FAM120A: variants seen among roughly 807,000 people sequenced by gnomAD.
FAM120A encodes constitutive coactivator of PPAR-gamma-like protein 1.
A neutral mutation model predicts 109.7 loss-of-function variants in FAM120A; 15 were observed. The observed-to-expected ratio is 0.14, with a 90% confidence interval of 0.09 to 0.21. The LOEUF (loss-of-function observed/expected upper bound fraction) is 0.21, where lower values mean the gene tolerates loss of function less well. FAM120A is among the 10% of genes least tolerant of loss of function. The probability of loss-of-function intolerance (pLI) is 1.00; values close to 1 mark genes in which losing one functional copy is unlikely to be tolerated. For synonymous variants in FAM120A, 493 were observed against 572.8 expected (o/e 0.86, Z 1.99); for missense variants, 899 against 1,439.3 (o/e 0.62, Z 6.07).
At chr9:93,474,527 A>G (rs565363135) in intron 2 of FAM120A, among the ~76,000 whole-genome samples, 1 of 152,308 alleles carries the variant, frequency 6.6e-6, no homozygotes, top group Non-Finnish European at 1.5e-5. Flanking sequence ...GACTGTTACT[A>G]ATGTTGGAGT....
At chr9:93,506,570 T>C (rs1860066069) in intron 5 of FAM120A, among the ~76,000 whole-genome samples, 1 of 151,740 alleles carries the variant, frequency 6.6e-6, no homozygotes, top group Non-Finnish European at 1.5e-5. Context: ...GAGCCAGCTG[T>C]GACTTAGGGC....
At chr9:93,469,541 A>G (rs1416718185) in intron 1 of FAM120A, among the ~76,000 whole-genome samples, 1 of 152,208 alleles carries the variant, frequency 6.6e-6, no homozygotes, top group African/African-American at 2.4e-5. Context: ...TGTACATAAT[A>G]AAAAGATTTG....
chr9:93,452,538 G>A lies in FAM120A; in HGVS notation c.474+149G>A. 2 of 1,569,416 alleles carry A rather than the reference G, an allele frequency of 1.3e-6. No homozygotes were observed. Among genetic ancestry groups the A allele is most frequent in the Non-Finnish European group, 8.6e-7 (1 of 1,163,802 alleles). ...GCCCGGGATAGCCTGGCCGGGCCGGGCTGCAAGATGGATGGCCGCGGGTGC... is the reference window on the plus strand; with the variant it reads ...GCCCGGGATAGCCTGGCCGGGCCGGACTGCAAGATGGATGGCCGCGGGTGC... On this transcript the variant is annotated intron_variant, in intron 1 of 17. Coordinates refer to ENST00000277165, the MANE Select transcript of FAM120A (RefSeq NM_014612.5). The surrounding 1 kb of genome is among the most constrained non-coding windows in gnomAD (Gnocchi z 7.0).
At chr9:93,549,616 C>T (rs1168970581) in intron 11 of FAM120A, among the ~76,000 whole-genome samples, 1 of 152,206 alleles carries the variant, frequency 6.6e-6, no homozygotes, top group African/African-American at 2.4e-5. Context: ...ACTGAGCAAA[C>T]TTACTCTGCA....
chr9:93,563,134 ATTCCT>A (rs1310109685), intron 17 of FAM120A, among the ~76,000 whole-genome samples: 2 of 152,158 alleles, frequency 1.3e-5, no homozygotes, highest in Non-Finnish European at 2.9e-5. Context: ...TATGGGGGCC[ATTCCT>A]TAGGCAAGGG....
intron 1 of FAM120A, among the ~76,000 whole-genome samples, chr9:93,469,725 A>G (rs528755187): frequency 7.2e-5 from 11 of 152,240 alleles, no homozygotes; most frequent in Non-Finnish European, 1.2e-4. Flanking sequence ...GACTGATTGG[A>G]TGTTGTTTGG....
At chr9:93,485,932 T>A (rs1859026766) in intron 3 of FAM120A, among the ~76,000 whole-genome samples, 1 of 151,048 alleles carries the variant, frequency 6.6e-6, no homozygotes, top group Non-Finnish European at 1.5e-5. Flanking sequence ...TATAGTACTT[T>A]CAAGGTTTTT....
At chr9:93,558,202 T>C (rs1862358803) in intron 14 of FAM120A, among the ~76,000 whole-genome samples, 192 bp downstream of exon 14, 1 of 152,256 alleles carries the variant, frequency 6.6e-6, no homozygotes, top group South Asian at 2.1e-4. Flanking sequence ...GACCTGCTGA[T>C]GCAGATGCAA....
chr9:93,469,193 C>T (rs1036409136), intron 1 of FAM120A, among the ~76,000 whole-genome samples: 4 of 152,218 alleles, frequency 2.6e-5, no homozygotes, highest in Non-Finnish European at 5.9e-5. Context: ...AGGCATTGTT[C>T]ACCACCCTGT....
chr9:93,526,893 A>G (rs1861106657), intron 7 of FAM120A, among the ~76,000 whole-genome samples: 1 of 152,194 alleles, frequency 6.6e-6, no homozygotes, highest in Non-Finnish European at 1.5e-5. Flanking sequence ...CTATAGCGCT[A>G]AGCAAATCAC....
chr9:93,520,328 G>A (rs184751007), intron 7 of FAM120A, among the ~76,000 whole-genome samples: 2 of 152,200 alleles, frequency 1.3e-5, no homozygotes, highest in Admixed American at 6.5e-5. Flanking sequence ...TGGCCAATGC[G>A]CTCTCTCCTG....
At chr9:93,557,765 A>G in intron 13 of FAM120A, 62 bp from the exon 14 acceptor site, 4 of 1,502,234 alleles carry the variant, frequency 2.7e-6, no homozygotes, top group Non-Finnish European at 3.6e-6. Flanking sequence ...TTTAGTGCTC[A>G]TTTAAATTCA....
At chr9:93,547,889 CTG>C (rs1367358078) in intron 11 of FAM120A, among the ~76,000 whole-genome samples, 1 of 152,142 alleles carries the variant, frequency 6.6e-6, no homozygotes. Flanking sequence ...AATTCATACT[CTG>C]TATCCAGCAA....
In FAM120A at chr9:93,558,719, G is replaced by A; in HGVS notation, c.2806+1G>A. The A allele has an allele frequency of 6.2e-7, 1 of 1,613,416 alleles. No individual in the cohort carries two copies. The highest frequency in any genetic ancestry group is 8.5e-7 in the Non-Finnish European group (1 of 1,179,772). ...AGCAGGACTAGCAAGTCCCAGGGCG[G>A]TAATTATACCCACCCCTTCCCAGAG... is the stretch of plus-strand genomic sequence containing the variant. On this transcript the variant is annotated splice_donor_variant, in intron 15 of 17. Transcript: ENST00000277165. LOFTEE classifies it high-confidence loss of function.
At position 93,529,417 on chromosome 9, in the gene FAM120A, G is replaced by A. The variant is rs778608114; in HGVS notation, c.1571G>A (p.Gly524Asp). Residue 524 changes from glycine to aspartate, a missense_variant, in exon 9 of 18, where the codon GGC becomes GAC. By Grantham distance (94) the Gly-to-Asp change is moderately conservative. Coordinates refer to ENST00000277165, the MANE Select transcript of FAM120A (RefSeq NM_014612.5). ...QLAEGKGSQM[G>D]TVQPIPCLLS... ...GCCGAAGGCAAGGGAAGCCAGATGG[G>A]CACTGTCCAGCCAATCCCGTGCCTC... The A allele has an allele frequency of 9.3e-6, 15 of 1,613,934 alleles. No individual in the cohort carries two copies. In the South Asian group the frequency reaches 1.6e-4, roughly 18 times the overall value.
At chr9:93,471,451 T>C (rs780267945) in intron 2 of FAM120A, 64 bp downstream of exon 2, 7 of 1,585,238 alleles carry the variant, frequency 4.4e-6, no homozygotes, top group Non-Finnish European at 6.0e-6. Flanking sequence ...CATTGATCTT[T>C]TAAGTGTTTC....
chr9:93,483,019 A>G (rs1858888937), intron 3 of FAM120A, among the ~76,000 whole-genome samples: 1 of 152,200 alleles, frequency 6.6e-6, no homozygotes, highest in Non-Finnish European at 1.5e-5. Context: ...ACCTTGCTGG[A>G]GCTAGGTCAG....
intron 10 of FAM120A, among the ~76,000 whole-genome samples, chr9:93,534,809 A>G (rs1008297648): frequency 6.6e-6 from 1 of 152,016 alleles, no homozygotes; most frequent in Non-Finnish European, 1.5e-5. Context: ...GCAGAGGCAG[A>G]AGTCCATACT....
In FAM120A at chr9:93,470,055, C is replaced by T. The variant is rs1282449975; in HGVS notation, c.475-1086C>T. Among the ~76,000 whole-genome samples the T allele has an allele frequency of 2.0e-5, 3 of 152,280 alleles. No individual in the cohort carries two copies. In the South Asian group the frequency reaches 6.2e-4, roughly 32 times the overall value. The stretch of plus-strand genomic sequence containing the variant: ...AATTTTGAATTTAATTTAATATAAA[C>T]TTTCTCTCAATGTAGCCACACATTG... On this transcript the variant is annotated intron_variant, in intron 1 of 17. Transcript: ENST00000277165.
Sources: allele counts gnomAD v4.1 joint callset (sites outside exome capture counted in the v4.1 genomes callset), GRCh38; gene constraint gnomAD v4.1.1; non-coding constraint Gnocchi (gnomAD v3.1); transcripts MANE v1.5; gene names NCBI Gene and HGNC (gene_info 2026-07-23, HGNC 2026-07-21).